The following PTPN21 variants were observed in gnomAD, a reference collection of about 807,000 sequenced individuals.
PTPN21 encodes the protein protein tyrosine phosphatase non-receptor type 21.
A neutral mutation model predicts 131.8 loss-of-function variants in PTPN21; 77 were observed. That is an observed-to-expected ratio of 0.58 (90% CI 0.49 to 0.71). The LOEUF (loss-of-function observed/expected upper bound fraction) is 0.71, where lower values mean the gene tolerates loss of function less well. PTPN21 is among the 30% of genes least tolerant of loss of function. The pLI is 0.00. For missense variants in PTPN21, 1,552 were observed against 1,527.1 expected (o/e 1.02, Z -0.27); for synonymous variants, 715 against 621.3 (o/e 1.15, Z -2.24).
intron 1 of PTPN21, among the ~76,000 whole-genome samples, chr14:88,553,887 T>G (rs1050233899): frequency 6.6e-5 from 10 of 152,182 alleles, no homozygotes; most frequent in Non-Finnish European, 7.3e-5. Flanking sequence ...GTATGTGACA[T>G]TTTTAGAGTA....
intron 1 of PTPN21, among the ~76,000 whole-genome samples, chr14:88,554,068 A>G (rs1027131315): frequency 6.6e-6 from 1 of 152,246 alleles, no homozygotes; most frequent in African/African-American, 2.4e-5. Flanking sequence ...TTAGGCATAC[A>G]GCAGTTGTCA....
intron 2 of PTPN21, among the ~76,000 whole-genome samples, chr14:88,524,677 T>C (rs1468858464): frequency 6.6e-6 from 1 of 152,010 alleles, no homozygotes; most frequent in Non-Finnish European, 1.5e-5. Flanking sequence ...GAGGCCAAAG[T>C]GGGAGAAACT....
chr14:88,474,381 G>T (rs2077519723), intron 13 of PTPN21, among the ~76,000 whole-genome samples: 1 of 151,884 alleles, frequency 6.6e-6, no homozygotes, highest in Non-Finnish European at 1.5e-5. Context: ...GTAGAGATGG[G>T]GTCTCACTAT....
In PTPN21 at chr14:88,479,775, G is replaced by A. The variant is rs1418199859; in HGVS notation, c.1656C>T (p.Tyr552=). The A allele has an allele frequency of 6.5e-7, 1 of 1,546,116 alleles. No individual in the cohort carries two copies. Among genetic ancestry groups the A allele is most frequent in the Non-Finnish European group, 8.7e-7 (1 of 1,153,266 alleles). Residue 552 remains tyrosine, a synonymous_variant, in exon 13 of 19, where the codon TAC becomes TAT. Transcript: ENST00000556564. ...GCGTCCGCATGATGTTGGGAGACGG[G>A]TAGTCCTGCGCCTGCAGCTGCGCAT... The part of the protein sequence containing the change: ...LTNAQLQAQD[Y]PSPNIMRTQV...
intron 14 of PTPN21, among the ~76,000 whole-genome samples, chr14:88,472,749 G>A (rs2077490714): frequency 6.6e-6 from 1 of 151,980 alleles, no homozygotes; most frequent in Admixed American, 6.5e-5. Context: ...GCATGCCTGT[G>A]GTCCCATCTA....
rs538182757 is a variant in PTPN21 at position 88,481,840 on chromosome 14, C to G, written c.1079-1488G>C. Among the ~76,000 whole-genome samples the G allele has an allele frequency of 1.7e-3, 259 of 152,312 alleles. 2 individuals are homozygous for G. Among genetic ancestry groups the G allele is most frequent in the Non-Finnish European group, 2.0e-3 (135 of 68,028 alleles). On this transcript the variant is annotated intron_variant, in intron 12 of 18. Transcript: ENST00000556564. ...CTCAGAGCACGCAGGGTTACCCCTC[C>G]TCACCCCTTGATATCAGGCACAACA...
intron 2 of PTPN21, among the ~76,000 whole-genome samples, chr14:88,542,099 A>C (rs540295359): frequency 1.2e-4 from 19 of 152,306 alleles, no homozygotes; most frequent in Middle Eastern, 3.4e-3. Context: ...AAAATCTCAA[A>C]TCCTGGGTCT....
At chr14:88,478,883 G>A in intron 13 of PTPN21, 37 bp downstream of exon 13, 3 of 1,366,660 alleles carry the variant, frequency 2.2e-6, no homozygotes, top group East Asian at 2.7e-5. Context: ...GCGAACGCGC[G>A]GTCCCCTGGC....
intron 2 of PTPN21, among the ~76,000 whole-genome samples, chr14:88,520,099 T>C (rs1490189734): frequency 2.0e-5 from 3 of 152,158 alleles, no homozygotes; most frequent in Non-Finnish European, 4.4e-5. Flanking sequence ...TCCTCCAAAG[T>C]TATGCAAGAG....
chr14:88,473,772 T>A lies in PTPN21; in HGVS notation c.2542A>T (p.Lys848Ter). The change falls in exon 14 of 19, where the codon AAA (lysine) becomes TAA (stop). Residue 848 changes from lysine (K) to a stop codon, truncating the protein, a stop_gained. Transcript: ENST00000556564. LOFTEE classifies it high-confidence loss of function. ...GCAGCCAGTTTAAGAGGACCAATTT[T>A]TTTTGCATCTACTCGAGTCTTTTTC... ...GMKKTRVDAK[K>*]IGPLKLAALN... 1 of 1,610,022 alleles carries A rather than the reference T, an allele frequency of 6.2e-7. No individual in the cohort carries two copies.
At chr14:88,512,778 T>G (rs1228138084) in intron 3 of PTPN21, among the ~76,000 whole-genome samples, 7 of 152,238 alleles carry the variant, frequency 4.6e-5, no homozygotes, top group Admixed American at 4.6e-4. Context: ...AGCTAACAAC[T>G]ACCTTACTGA....
chr14:88,546,992 T>C (rs2078792224), intron 2 of PTPN21, among the ~76,000 whole-genome samples: 2 of 152,272 alleles, frequency 1.3e-5, no homozygotes, highest in South Asian at 2.1e-4. Context: ...AGGCAAAACA[T>C]TTTCTAGGGA....
chr14:88,502,480 A>G (rs1336505487), intron 6 of PTPN21, among the ~76,000 whole-genome samples: 2 of 152,128 alleles, frequency 1.3e-5, no homozygotes, highest in Middle Eastern at 3.2e-3. Flanking sequence ...TCTTATATGT[A>G]TTATAATTAC....
At chr14:88,507,154 A>AT (rs2078103949) in intron 4 of PTPN21, among the ~76,000 whole-genome samples, 1 of 152,330 alleles carries the variant, frequency 6.6e-6, no homozygotes, top group East Asian at 1.9e-4. Flanking sequence ...CAAACATATG[A>AT]AGTGTACTTA....
chr14:88,545,333 C>T (rs565427989), intron 2 of PTPN21, among the ~76,000 whole-genome samples: 2 of 152,252 alleles, frequency 1.3e-5, no homozygotes, highest in South Asian at 4.2e-4. Context: ...TTTTACACAT[C>T]ATTTTTAGCG....
rs938847742 is a variant in PTPN21 at position 88,517,277 on chromosome 14, G to A, written c.181-16C>T. 4 of 1,612,334 alleles carry A rather than the reference G, an allele frequency of 2.5e-6. No individual in the cohort carries two copies. The African/African-American group carries it at 4.0e-5, about 16-fold the overall frequency. On this transcript the variant is annotated splice_polypyrimidine_tract_variant and intron_variant, in intron 2 of 18. Coordinates refer to ENST00000556564, the MANE Select transcript of PTPN21 (RefSeq NM_007039.4). ...AGTAAGTGACCTGGAAAGACAGAAG[G>A]TCATTGAAGGAGGCAATAACATACA...
At position 88,467,038 on chromosome 14, in the gene PTPN21, G is replaced by A. The variant is rs1487503692; in HGVS notation, c.*1099C>T. Reference sequence around the variant, plus strand: ...GGCGGTCACAGGACTTGAATTCCCTGGGGACAGTGCTGTGGGGTCCCCTGC... The same window carrying A: ...GGCGGTCACAGGACTTGAATTCCCTAGGGACAGTGCTGTGGGGTCCCCTGC... On this transcript the variant is annotated 3_prime_UTR_variant, in exon 19 of 19. Transcript: ENST00000556564. 6.6e-6 allele frequency: 1 copy of A among 152,184 alleles called. No individual in the cohort carries two copies. The highest frequency in any genetic ancestry group is 1.5e-5 in the Non-Finnish European group (1 of 68,040). 9.4% of individuals were successfully genotyped at this position (152,184 alleles called of 1,614,324 possible).
rs146273121 is a variant in PTPN21, at chr14:88,507,991, T to C, written c.380A>G (p.Asp127Gly). The C allele has an allele frequency of 2.5e-6, 4 of 1,605,670 alleles. No individual in the cohort carries two copies. The highest frequency in any genetic ancestry group is 2.2e-4 in the Middle Eastern group (1 of 4,618). Residue 127 changes from aspartate to glycine, a missense_variant, in exon 4 of 19, where the codon GAT becomes GGT. This residue lies in a region of PTPN21 where 206 missense variants were observed against 221.6 expected (regional missense o/e 0.93). Transcript: ENST00000556564. ...RYQYYLQLKKDILEGSIPCTL... is the reference protein window; with the variant it reads ...RYQYYLQLKKGILEGSIPCTL... ...ACAAGGAATACTTCCTTCCAAGATA[T>C]CTTTCTTCAGTTGCAGATAATACTG...
chr14:88,479,759 T>A lies in PTPN21; in HGVS notation c.1672A>T (p.Met558Leu). The change falls in exon 13 of 19, where the codon ATG becomes TTG. Residue 558 changes from methionine to leucine, a missense_variant. Met to Leu is a conservative substitution (Grantham distance 15). Coordinates refer to ENST00000556564, the MANE Select transcript of PTPN21 (RefSeq NM_007039.4). The stretch of plus-strand genomic sequence containing the variant: ...GGTGGCCGGTACACCTGCGTCCGCA[T>A]GATGTTGGGAGACGGGTAGTCCTGC... ...QAQDYPSPNIMRTQVYRPPPP... is the reference protein window; with the variant it reads ...QAQDYPSPNILRTQVYRPPPP... 6.5e-7 allele frequency: 1 copy of A among 1,543,888 alleles called. No individual in the cohort carries two copies. The highest frequency in any genetic ancestry group is 1.2e-5 in the South Asian group (1 of 80,914).
Sources: allele counts gnomAD v4.1 joint callset (sites outside exome capture counted in the v4.1 genomes callset), GRCh38; gene constraint gnomAD v4.1.1; regional missense constraint gnomAD v4.1.1; transcripts MANE v1.5; gene names NCBI Gene and HGNC (gene_info 2026-07-23, HGNC 2026-07-21).